PRKAA2: variants seen among roughly 807,000 people sequenced by gnomAD.
PRKAA2 encodes the protein 5'-AMP-activated protein kinase catalytic subunit alpha-2.
Under a neutral mutation model 56.3 loss-of-function variants are expected in PRKAA2, and 40 were observed. That is an observed-to-expected ratio of 0.71 (90% CI 0.55 to 0.92). The LOEUF (loss-of-function observed/expected upper bound fraction) is 0.92. Ranked by LOEUF, PRKAA2 falls within the 40% of genes least tolerant of loss-of-function variation. PRKAA2 has a pLI of 0.00. For missense variants in PRKAA2, 542 were observed against 686.9 expected (o/e 0.79, Z 2.36); for synonymous variants, 214 against 234.2 (o/e 0.91, Z 0.79).
rs992652356 is a variant in PRKAA2, at chr1:56,715,192, A to T, written c.*7479A>T. The T allele has an allele frequency of 6.6e-6, 1 of 152,222 alleles. No individual in the cohort carries two copies. The highest frequency in any genetic ancestry group is 1.5e-5 in the Non-Finnish European group (1 of 68,038). The allele number at this position is 152,222 out of a possible 1,614,324, so 9.4% of individuals were successfully genotyped here. On this transcript the variant is annotated 3_prime_UTR_variant, in exon 9 of 9. Coordinates refer to ENST00000371244, the MANE Select transcript of PRKAA2 (RefSeq NM_006252.4). ...GTCTTCCTGAATTACATAGCATTTC[A>T]TAGTTACAGATTCTTCCTAATTAAT...
At chr1:56,692,608 G>A in intron 4 of PRKAA2, 106 bp downstream of exon 4, 1 of 1,163,364 alleles carries the variant, frequency 8.6e-7, no homozygotes, top group Non-Finnish European at 1.2e-6. Flanking sequence ...TCTGTACCAT[G>A]AAAAGGAATT....
intron 1 of PRKAA2, among the ~76,000 whole-genome samples, chr1:56,662,916 G>A (rs1482926244): frequency 2.0e-5 from 3 of 152,080 alleles, no homozygotes; most frequent in Non-Finnish European, 4.4e-5. Context: ...GGACTCTTTG[G>A]TGAAGCTTTC....
chr1:56,679,510 G>C (rs1644138266), intron 2 of PRKAA2, among the ~76,000 whole-genome samples: 1 of 152,090 alleles, frequency 6.6e-6, no homozygotes, highest in South Asian at 2.1e-4. Context: ...CCAAACTTGG[G>C]CAAAATCTTT....
intron 5 of PRKAA2, among the ~76,000 whole-genome samples, 169 bp downstream of exon 5, chr1:56,694,021 T>C (rs1467457165): frequency 6.6e-6 from 1 of 152,190 alleles, no homozygotes. Context: ...ATGTTAAACA[T>C]TTCATTTAGA....
intron 1 of PRKAA2, among the ~76,000 whole-genome samples, chr1:56,664,437 A>T (rs1291758350): frequency 6.6e-6 from 1 of 151,130 alleles, no homozygotes; most frequent in Non-Finnish European, 1.5e-5. Flanking sequence ...GAATTTTTTG[A>T]ATTTTTTAAA....
At chr1:56,679,716 T>C (rs1373432339) in intron 2 of PRKAA2, among the ~76,000 whole-genome samples, 2 of 152,104 alleles carry the variant, frequency 1.3e-5, no homozygotes, top group African/African-American at 4.8e-5. Context: ...AATTCCAACT[T>C]GTCTTTTAAG....
At chr1:56,674,705 A>G (rs888099016) in intron 2 of PRKAA2, among the ~76,000 whole-genome samples, 183 bp downstream of exon 2, 10 of 151,994 alleles carry the variant, frequency 6.6e-5, no homozygotes, top group Non-Finnish European at 1.3e-4. Context: ...GTTAGACTGA[A>G]CAGACATTGT....
intron 5 of PRKAA2, among the ~76,000 whole-genome samples, chr1:56,695,391 A>G (rs976840311): frequency 4.0e-5 from 6 of 151,718 alleles, no homozygotes; most frequent in African/African-American, 9.7e-5. Context: ...GCGTTTCACC[A>G]TGTTGCCCAG....
chr1:56,707,711 T>G lies in PRKAA2; in HGVS notation c.1657T>G (p.Ter553GlyextTer26). The G allele has an allele frequency of 6.3e-7, 1 of 1,579,236 alleles. No homozygotes were observed. The highest frequency in any genetic ancestry group is 8.7e-7 in the Non-Finnish European group (1 of 1,148,384). Residue 553 changes from the stop codon to glycine (G), a stop_lost, in exon 9 of 9, where the codon TGA (stop) becomes GGA (glycine). Coordinates refer to ENST00000371244, the MANE Select transcript of PRKAA2 (RefSeq NM_006252.4). Reference sequence around the variant, plus strand: ...CAGTCTGATTACTACTTTAGCCCGTTGATCTGTCTCTAGTTTCTTTCTGTT... The same window carrying G: ...CAGTCTGATTACTACTTTAGCCCGTGGATCTGTCTCTAGTTTCTTTCTGTT... ...CASLITTLAR[*>G]
At chr1:56,658,571 T>C (rs944168204) in intron 1 of PRKAA2, among the ~76,000 whole-genome samples, 19 of 124,174 alleles carry the variant, frequency 1.5e-4, no homozygotes, top group African/African-American at 5.6e-4. Flanking sequence ...GTAAATGTTG[T>C]TGTTTTTTTT....
At chr1:56,692,255 C>T in intron 3 of PRKAA2, 103 bp from the exon 4 acceptor site, 1 of 1,399,476 alleles carries the variant, frequency 7.1e-7, no homozygotes, top group Non-Finnish European at 1.0e-6. Flanking sequence ...TGGTCTCAAA[C>T]TCCTGACCTC....
chr1:56,645,988 C>T (rs1318431479), intron 1 of PRKAA2, among the ~76,000 whole-genome samples: 2 of 152,086 alleles, frequency 1.3e-5, no homozygotes, highest in African/African-American at 2.4e-5. Flanking sequence ...GTTGTCCTCA[C>T]CCTAAAGGTG....
At chr1:56,696,201 G>T in intron 6 of PRKAA2, 42 bp downstream of exon 6, 1 of 1,526,436 alleles carries the variant, frequency 6.6e-7, no homozygotes, top group African/African-American at 1.4e-5. Context: ...TTTTCTCATA[G>T]GAATAATAAT....
chr1:56,693,991 G>T, intron 5 of PRKAA2, 139 bp downstream of exon 5: 1 of 543,548 alleles, frequency 1.8e-6, no homozygotes, highest in Non-Finnish European at 3.1e-6. Context: ...CTGTTAAAGG[G>T]ATAATGGTTA....
chr1:56,695,156 A>T (rs1041635061), intron 5 of PRKAA2, among the ~76,000 whole-genome samples: 2 of 142,106 alleles, frequency 1.4e-5, no homozygotes, highest in Non-Finnish European at 3.0e-5. Flanking sequence ...TGTTTTAAAT[A>T]TCTCTCTCTC....
Position 56,663,192 on chromosome 1 carries a change from C to A in PRKAA2, c.95-11189C>A, listed in dbSNP as rs143909451. Among the ~76,000 whole-genome samples, 505 of 152,266 alleles carry A rather than the reference C, an allele frequency of 3.3e-3. 7 individuals are homozygous for A. The highest frequency in any genetic ancestry group is 0.012 in the African/African-American group (479 of 41,542). ...CACTGCAGCCTGGAACTCAAGTGAT[C>A]CTCTTGTTTCAGCCCCCTGAGTAGC... On this transcript the variant is annotated intron_variant, in intron 1 of 8. Transcript: ENST00000371244.
In PRKAA2 at chr1:56,696,101, C is replaced by T. The variant is rs1644257542; in HGVS notation, c.730C>T (p.Leu244Phe). 1.9e-6 allele frequency: 3 copies of T among 1,613,416 alleles called. No homozygotes were observed. Among genetic ancestry groups the T allele is most frequent in the Admixed American group, 1.7e-5 (1 of 59,916 alleles). ...ATATCTCAATCGTTCTGTCGCCACT[C>T]TCCTGATGCATATGCTGCAGGTTGA... The part of the protein sequence containing the change: ...PEYLNRSVAT[L>F]LMHMLQVDPL... Residue 244 changes from leucine to phenylalanine, a missense_variant, in exon 6 of 9, where the codon CTC becomes TTC. Transcript: ENST00000371244.
At chr1:56,693,886 C>G (rs1318131616) in intron 5 of PRKAA2, 34 bp downstream of exon 5, 1 of 1,391,848 alleles carries the variant, frequency 7.2e-7, no homozygotes. Context: ...TTTTTGTAAT[C>G]TTGTGTTCAT....
At chr1:56,684,663 C>T (rs936355190) in intron 2 of PRKAA2, among the ~76,000 whole-genome samples, 4 of 152,006 alleles carry the variant, frequency 2.6e-5, no homozygotes, top group Admixed American at 6.6e-5. Flanking sequence ...AAGATGATAA[C>T]GGAGAATTGA....
Sources: allele counts gnomAD v4.1 joint callset (sites outside exome capture counted in the v4.1 genomes callset), GRCh38; gene constraint gnomAD v4.1.1; transcripts MANE v1.5; gene names NCBI Gene and HGNC (gene_info 2026-07-23, HGNC 2026-07-21).